The following CNTNAP5 variants were observed in gnomAD, a reference collection of about 807,000 sequenced individuals.
CNTNAP5 encodes the protein contactin associated protein family member 5, also known as contactin-associated protein-like 5.
A neutral mutation model predicts 150.2 loss-of-function variants in CNTNAP5; 72 were observed. The observed-to-expected ratio is 0.48, with a 90% CI of 0.40 to 0.58. The LOEUF is 0.58. Among genes scored for constraint, CNTNAP5 ranks in the 20% least tolerant of loss-of-function variants. The pLI, the probability that CNTNAP5 is intolerant of heterozygous loss-of-function variation, is 0.00. For synonymous variants in CNTNAP5, 672 were observed against 619.8 expected (o/e 1.08, Z -1.25); for missense variants, 1,636 against 1,626.2 (o/e 1.01, Z -0.10).
intron 19 of CNTNAP5, among the ~76,000 whole-genome samples, chr2:124,843,593 T>C (rs1038715223): frequency 6.6e-6 from 1 of 152,100 alleles, no homozygotes; most frequent in African/African-American, 2.4e-5. Flanking sequence ...ACATTGTTTT[T>C]CATAGCGGTT....
intron 1 of CNTNAP5, among the ~76,000 whole-genome samples, chr2:124,151,114 TA>T (rs1428437632): frequency 1.3e-5 from 2 of 152,078 alleles, no homozygotes; most frequent in Admixed American, 6.6e-5. Context: ...CTTCCCAACT[TA>T]GACCCCAGAG....
chr2:124,718,226 G>A (rs916074505), intron 13 of CNTNAP5, among the ~76,000 whole-genome samples: 2 of 152,102 alleles, frequency 1.3e-5, no homozygotes, highest in Non-Finnish European at 2.9e-5. Flanking sequence ...CAAAGATAAA[G>A]TATTATTATT....
intron 14 of CNTNAP5, among the ~76,000 whole-genome samples, chr2:124,751,610 T>A (rs371107536): frequency 4.9e-4 from 74 of 152,372 alleles, no homozygotes; most frequent in African/African-American, 8.4e-4. Flanking sequence ...ACAACTGACT[T>A]TCCACACGTT....
intron 8 of CNTNAP5, among the ~76,000 whole-genome samples, chr2:124,517,954 G>A (rs965410619): frequency 2.0e-5 from 3 of 151,446 alleles, no homozygotes; most frequent in African/African-American, 4.9e-5. Flanking sequence ...GTTTATAATG[G>A]AAGGTTGTGT....
At chr2:124,204,391 A>T (rs1346852594) in intron 1 of CNTNAP5, among the ~76,000 whole-genome samples, 1 of 151,926 alleles carries the variant, frequency 6.6e-6, no homozygotes, top group Non-Finnish European at 1.5e-5. Context: ...ACTTTCCCAC[A>T]TTTTCCTATC....
At chr2:124,867,164 C>T (rs1453386546) in intron 20 of CNTNAP5, among the ~76,000 whole-genome samples, 3 of 152,084 alleles carry the variant, frequency 2.0e-5, no homozygotes. Context: ...CTCCCCAAAG[C>T]CTAAAACAAA....
chr2:124,719,593 A>G (rs1239260915), intron 13 of CNTNAP5, among the ~76,000 whole-genome samples: 1 of 151,424 alleles, frequency 6.6e-6, no homozygotes, highest in Non-Finnish European at 1.5e-5. Context: ...AAATTTGAAA[A>G]CCTCCTTGCA....
intron 4 of CNTNAP5, among the ~76,000 whole-genome samples, chr2:124,423,766 G>T (rs1269651815): frequency 7.7e-6 from 1 of 129,130 alleles, no homozygotes; most frequent in Non-Finnish European, 1.6e-5. Flanking sequence ...CCAGGTTCAC[G>T]CCATTCTCCT....
chr2:124,072,913 A>T (rs1487748855), intron 1 of CNTNAP5, among the ~76,000 whole-genome samples: 2 of 152,126 alleles, frequency 1.3e-5, no homozygotes, highest in Non-Finnish European at 2.9e-5. Flanking sequence ...CTATCTCAGC[A>T]AAAAGAACAA....
At chr2:124,085,986 G>C (rs1479460828) in intron 1 of CNTNAP5, among the ~76,000 whole-genome samples, 2 of 152,150 alleles carry the variant, frequency 1.3e-5, no homozygotes, top group Non-Finnish European at 2.9e-5. Flanking sequence ...ATTGAAGACT[G>C]TTGGTTAATG....
chr2:124,519,763 T>C lies in CNTNAP5; in HGVS notation c.1328-4540T>C, dbSNP rs184958030. ...TTCAAAGGTTCATTTGCAAGTTCAGTTGGAAGGATGAAAACTGTCATTCTT... is the reference window on the plus strand; with the variant it reads ...TTCAAAGGTTCATTTGCAAGTTCAGCTGGAAGGATGAAAACTGTCATTCTT... On this transcript the variant is annotated intron_variant, in intron 8 of 23. Coordinates refer to ENST00000682447, the MANE Select transcript of CNTNAP5 (RefSeq NM_001367498.1). Among the ~76,000 whole-genome samples, 277 of 152,310 alleles carry C rather than the reference T, an allele frequency of 1.8e-3. 1 individual carries two copies. Among genetic ancestry groups the C allele is most frequent in the African/African-American group, 6.5e-3 (269 of 41,566 alleles).
chr2:124,654,622 C>T (rs951373926), intron 13 of CNTNAP5, among the ~76,000 whole-genome samples: 6 of 152,154 alleles, frequency 3.9e-5, no homozygotes, highest in Non-Finnish European at 8.8e-5. Flanking sequence ...CTGCGGCCCA[C>T]TTTCACCATG....
At chr2:124,677,408 T>C (rs992045738) in intron 13 of CNTNAP5, among the ~76,000 whole-genome samples, 9 of 152,158 alleles carry the variant, frequency 5.9e-5, no homozygotes, top group African/African-American at 2.2e-4. Flanking sequence ...TTCCACAGCA[T>C]GGAAGGGGAC....
At chr2:124,563,409 G>T in intron 11 of CNTNAP5, 86 bp downstream of exon 11, 1 of 778,686 alleles carries the variant, frequency 1.3e-6, no homozygotes, top group Non-Finnish European at 2.2e-6. Flanking sequence ...TTAGCATGGG[G>T]CAGGCATGTT....
chr2:124,571,532 T>TCTTTTTCTC lies in CNTNAP5; in HGVS notation c.1756+8209_1756+8210insCTTTTTCTC, dbSNP rs1553480869. On this transcript the variant is annotated intron_variant, in intron 11 of 23. Transcript: ENST00000682447. The stretch of plus-strand genomic sequence containing the variant: ...AGTACTTTTTTTTCTTTTTTCTTTT[T>TCTTTTTCTC]TTTTTTTTTTTTTTTTGAGACAGAG... Among the ~76,000 whole-genome samples, 82 of 92,580 alleles carry TCTTTTTCTC rather than the reference T, an allele frequency of 8.9e-4. 2 individuals carry two copies. Among genetic ancestry groups the TCTTTTTCTC allele is most frequent in the African/African-American group, 1.5e-3 (36 of 23,864 alleles). 60.7% of individuals were successfully genotyped at this position (92,580 alleles called of 152,430 possible). A position where few individuals can be genotyped will look rare whatever the true frequency, so the allele number is the denominator to read the frequency against.
At chr2:124,337,007 C>G (rs1330589404) in intron 3 of CNTNAP5, among the ~76,000 whole-genome samples, 6 of 152,132 alleles carry the variant, frequency 3.9e-5, no homozygotes, top group Non-Finnish European at 7.3e-5. Flanking sequence ...TAAAAGTGTT[C>G]CTATTTCTCC....
chr2:124,585,881 C>G (rs4848942), intron 11 of CNTNAP5, among the ~76,000 whole-genome samples: 1 of 151,756 alleles, frequency 6.6e-6, no homozygotes, highest in Admixed American at 6.6e-5. Context: ...GGCTAAAACA[C>G]TTCTCTCTTT....
intron 19 of CNTNAP5, among the ~76,000 whole-genome samples, chr2:124,818,703 C>G (rs1682421651): frequency 6.6e-6 from 1 of 152,146 alleles, no homozygotes; most frequent in South Asian, 2.1e-4. Context: ...TCCCAGGCCC[C>G]CTGCCCTCTC....
At chr2:124,749,260 G>A (rs1680670287) in intron 14 of CNTNAP5, among the ~76,000 whole-genome samples, 1 of 152,018 alleles carries the variant, frequency 6.6e-6, no homozygotes, top group Non-Finnish European at 1.5e-5. Context: ...TATGTGTATA[G>A]TCAAAGAAAC....
Sources: gnomAD v4.1 joint callset for allele counts (sites outside exome capture counted in the v4.1 genomes callset) on GRCh38, gnomAD v4.1.1 for gene constraint, MANE v1.5 for transcripts, NCBI Gene and HGNC (gene_info 2026-07-23, HGNC 2026-07-21) for gene names.